Variants in COL6A6 observed in about 807,000 individuals in gnomAD.
COL6A6 encodes the protein collagen alpha-6(VI) chain.
COL6A6 carries 183 observed loss-of-function variants against 208.6 expected under a neutral mutation model. That is an observed-to-expected ratio of 0.88 (90% CI 0.78 to 0.99). The LOEUF (loss-of-function observed/expected upper bound fraction) is 0.99. Among genes scored for constraint, COL6A6 ranks in the 50% least tolerant of loss-of-function variants. COL6A6 has a pLI of 0.00. For missense variants in COL6A6, 2,816 were observed against 2,815.2 expected (o/e 1.00, Z -0.01); for synonymous variants, 973 against 1,011.8 (o/e 0.96, Z 0.73).
In COL6A6 at chr3:130,547,612, CT is replaced by C. The variant is rs145832151; in HGVS notation, c.-31-12721del. On this transcript the variant is annotated intron_variant, in intron 1 of 36. Coordinates refer to ENST00000358511, the MANE Select transcript of COL6A6 (RefSeq NM_001102608.3). ...GTGAGGGCCGCCAGCATGTTGTCAC[CT>C]CTCAATGTGTCTGGCCTGCCCATAA... Among the ~76,000 whole-genome samples the C allele has an allele frequency of 7.9e-4, 120 of 152,388 alleles. No homozygotes were observed. In the East Asian group the frequency reaches 0.017, roughly 21 times the overall value.
chr3:130,547,706 A>C (rs544658193), intron 1 of COL6A6, among the ~76,000 whole-genome samples: 32 of 152,302 alleles, frequency 2.1e-4, no homozygotes, highest in African/African-American at 7.5e-4. Context: ...GGTTCTTAGA[A>C]TTTCCATCTC....
intron 1 of COL6A6, among the ~76,000 whole-genome samples, chr3:130,528,954 G>A (rs1291736793): frequency 3.3e-5 from 5 of 152,194 alleles, no homozygotes; most frequent in African/African-American, 1.2e-4. Context: ...TTAGCCAGGT[G>A]TGGTGGACAC....
At chr3:130,547,679 G>T (rs2062547945) in intron 1 of COL6A6, among the ~76,000 whole-genome samples, 1 of 152,226 alleles carries the variant, frequency 6.6e-6, no homozygotes, top group Admixed American at 6.5e-5. Context: ...ATGTTTTGAT[G>T]TCTAGTATTT....
At chr3:130,548,529 G>A (rs1393096310) in intron 1 of COL6A6, among the ~76,000 whole-genome samples, 1 of 152,182 alleles carries the variant, frequency 6.6e-6, no homozygotes, top group East Asian at 1.9e-4. Context: ...CAGCTGGTTA[G>A]GATCTCCTTA....
chr3:130,536,995 G>A (rs1396329), intron 1 of COL6A6, among the ~76,000 whole-genome samples: 118,161 of 152,126 alleles, frequency 0.78, 47,098 homozygotes, highest in Non-Finnish European at 0.87. Context: ...AAAACTAACA[G>A]TGTCTGCTCA....
chr3:130,565,092 GA>G lies in COL6A6; in HGVS notation c.763del (p.Ser255ValfsTer7). ...NFDYLKGFLE[E>X]SVSALDIKEN... ...TGACTATCTTAAAGGATTCTTGGAA[GA>G]AAGTGTATCTGCCCTTGACATAAAG... On this transcript the variant is annotated frameshift_variant, in exon 4 of 37. Transcript: ENST00000358511. LOFTEE classifies it high-confidence loss of function. 6.2e-7 allele frequency: 1 copy of G among 1,614,044 alleles called. No homozygotes were observed. The highest frequency in any genetic ancestry group is 1.1e-5 in the South Asian group (1 of 91,082).
chr3:130,589,670 C>T (rs1416240418), intron 12 of COL6A6, among the ~76,000 whole-genome samples: 1 of 152,120 alleles, frequency 6.6e-6, no homozygotes, highest in Non-Finnish European at 1.5e-5. Context: ...AAAATGTTAT[C>T]ACAGATATAT....
In COL6A6 at chr3:130,565,469, A is replaced by G; in HGVS notation, c.1137A>G (p.Ala379=). 7 of 1,613,978 alleles carry G rather than the reference A, an allele frequency of 4.3e-6. No homozygotes were observed. Among genetic ancestry groups the G allele is most frequent in the Non-Finnish European group, 5.9e-6 (7 of 1,179,856 alleles). The change falls in exon 4 of 37, where the codon GCA becomes GCG. Residue 379 remains alanine, a synonymous_variant. Coordinates refer to ENST00000358511, the MANE Select transcript of COL6A6 (RefSeq NM_001102608.3). ...GCGACACCCAGTTGGAAAAGATAGC[A>G]TCCCACCCTGCTGAGCAGTATGTCT... ...GASDTQLEKI[A]SHPAEQYVSK...
At position 130,517,938 on chromosome 3, in the gene COL6A6, A is replaced by T. The variant is rs560897427; in HGVS notation, c.-32+541A>T. Among the ~76,000 whole-genome samples the T allele has an allele frequency of 1.9e-3, 282 of 152,360 alleles. 2 individuals are homozygous for T. In the South Asian group the frequency reaches 0.022, roughly 12 times the overall value. The stretch of plus-strand genomic sequence containing the variant: ...CTGAGGGGAGGAAGGAAAGCAGAGA[A>T]AATGCACCCTTTTCTCAATTCCCAG... On this transcript the variant is annotated intron_variant, in intron 1 of 36. Transcript: ENST00000358511.
chr3:130,558,086 T>C (rs1345766198), intron 1 of COL6A6, among the ~76,000 whole-genome samples: 1 of 152,232 alleles, frequency 6.6e-6, no homozygotes. Context: ...TGAATTTAAA[T>C]TTTATGTTGA....
intron 36 of COL6A6, among the ~76,000 whole-genome samples, chr3:130,666,676 A>G (rs1300147245): frequency 6.6e-6 from 1 of 152,254 alleles, no homozygotes; most frequent in African/African-American, 2.4e-5. Flanking sequence ...ATGCTGAAAT[A>G]GAATGCAGAG....
intron 18 of COL6A6, 200 bp downstream of exon 18, chr3:130,594,543 T>A (rs2063798858): frequency 2.4e-6 from 1 of 422,262 alleles, no homozygotes; most frequent in African/African-American, 2.0e-5. Flanking sequence ...AGCCCTTACA[T>A]GTCTTTTGCA....
intron 1 of COL6A6, among the ~76,000 whole-genome samples, chr3:130,534,473 A>G (rs926846419): frequency 2.0e-5 from 3 of 151,896 alleles, no homozygotes; most frequent in South Asian, 2.1e-4. Context: ...CCATTCACCA[A>G]TCCTCTCCTT....
At chr3:130,549,742 G>T (rs940662314) in intron 1 of COL6A6, among the ~76,000 whole-genome samples, 6 of 152,092 alleles carry the variant, frequency 3.9e-5, no homozygotes, top group Non-Finnish European at 8.8e-5. Flanking sequence ...GGTTCCATTG[G>T]TCTGTGTGTC....
At position 130,552,119 on chromosome 3, in the gene COL6A6, C is replaced by T. The variant is rs1160826921; in HGVS notation, c.-31-8215C>T. ...GATGAAAATAATGTATATTCTATTG[C>T]TTTTGGCTGGAGAGTTCTATGTATG... is the stretch of plus-strand genomic sequence containing the variant. On this transcript the variant is annotated intron_variant, in intron 1 of 36. Transcript: ENST00000358511. 2.6e-5 allele frequency among the ~76,000 whole-genome samples: 4 copies of T among 151,984 alleles called. No individual in the cohort carries two copies. In the East Asian group the frequency reaches 7.7e-4, roughly 29 times the overall value.
chr3:130,590,278 TA>T (rs1560034470), intron 12 of COL6A6, among the ~76,000 whole-genome samples: 8 of 21,420 alleles, frequency 3.7e-4, no homozygotes, highest in Non-Finnish European at 8.3e-4. Flanking sequence ...TATATATATA[TA>T]TATATATATA....
chr3:130,581,438 T>C, intron 8 of COL6A6, 123 bp from the exon 9 acceptor site: 1 of 667,262 alleles, frequency 1.5e-6, no homozygotes, highest in Non-Finnish European at 2.5e-6. Flanking sequence ...CATTTATGCC[T>C]TTCTTTGTGT....
intron 36 of COL6A6, among the ~76,000 whole-genome samples, chr3:130,673,219 A>AAAAAAAAAAAAC (rs2066271480): frequency 1.8e-5 from 2 of 109,628 alleles, no homozygotes; most frequent in African/African-American, 1.2e-4. Context: ...AAAAAAAACA[A>AAAAAAAAAAAAC]AAAAAAAAAA....
intron 1 of COL6A6, among the ~76,000 whole-genome samples, chr3:130,552,124 G>C (rs1223464443): frequency 6.6e-6 from 1 of 152,094 alleles, no homozygotes; most frequent in African/African-American, 2.4e-5. Context: ...TATTGCTTTT[G>C]GCTGGAGAGT....
Sources: allele counts gnomAD v4.1 joint callset (sites outside exome capture counted in the v4.1 genomes callset), GRCh38; gene constraint gnomAD v4.1.1; transcripts MANE v1.5; gene names NCBI Gene and HGNC (gene_info 2026-07-23, HGNC 2026-07-21).